The following APBA1 variants were observed in gnomAD, a reference collection of about 807,000 sequenced individuals.
APBA1 encodes the protein amyloid beta precursor protein binding family A member 1.
In APBA1, 55 loss-of-function variants were observed where a neutral mutation model predicts 86.6. That is an observed-to-expected ratio of 0.64 (90% confidence interval 0.51 to 0.80). The LOEUF (loss-of-function observed/expected upper bound fraction) is 0.80, where lower values mean the gene tolerates loss of function less well. Ranked by LOEUF, APBA1 falls within the 30% of genes least tolerant of loss-of-function variation. The pLI, the probability that APBA1 is intolerant of heterozygous loss-of-function variation, is 0.00. For missense variants in APBA1, 1,090 were observed against 1,183.0 expected (o/e 0.92, Z 1.15); for synonymous variants, 511 against 493.9 (o/e 1.03, Z -0.46).
At chr9:69,670,644 C>A (rs1195217325) in intron 1 of APBA1, among the ~76,000 whole-genome samples, 1 of 152,196 alleles carries the variant, frequency 6.6e-6, no homozygotes, top group African/African-American at 2.4e-5. Context: ...CTCTACCCAA[C>A]CCTACCTACA....
chr9:69,637,709 G>T (rs1165063437), intron 1 of APBA1, among the ~76,000 whole-genome samples: 1 of 152,138 alleles, frequency 6.6e-6, no homozygotes, highest in Non-Finnish European at 1.5e-5. Flanking sequence ...AACAGTTTCT[G>T]CCAGTTTAAT....
intron 2 of APBA1, among the ~76,000 whole-genome samples, chr9:69,504,426 T>TTTTATG (rs1247468142): frequency 8.5e-5 from 13 of 152,128 alleles, no homozygotes; most frequent in Admixed American, 3.3e-4. Context: ...GTCTTTGTCT[T>TTTTATG]TCATGTTAGA....
chr9:69,506,291 CAAAG>C (rs1835963375), intron 2 of APBA1, among the ~76,000 whole-genome samples: 1 of 150,520 alleles, frequency 6.6e-6, no homozygotes, highest in South Asian at 2.1e-4. Flanking sequence ...CTTTCTGAGT[CAAAG>C]AAAGGGGTGA....
intron 3 of APBA1, among the ~76,000 whole-genome samples, chr9:69,474,522 C>T (rs189929682): frequency 5.6e-4 from 86 of 152,342 alleles, no homozygotes; most frequent in Admixed American, 2.5e-3. Flanking sequence ...CTGTTATCAT[C>T]AGGGCACCTG....
rs10121657 is a variant in APBA1 at position 69,477,275 on chromosome 9, C to G, written c.1201-1132G>C. On this transcript the variant is annotated intron_variant, in intron 2 of 12. Transcript: ENST00000265381. ...GTCAGTGGGTGCGCGCACCGTGCGCCAGCCGAAGCAGGGCGAGGCATTTCC... is the reference window on the plus strand; with the variant it reads ...GTCAGTGGGTGCGCGCACCGTGCGCGAGCCGAAGCAGGGCGAGGCATTTCC... 8.2e-4 allele frequency among the ~76,000 whole-genome samples: 124 copies of G among 151,054 alleles called. 1 individual carries two copies. The highest frequency in any genetic ancestry group is 6.1e-3 in the South Asian group (29 of 4,752).
At position 69,495,672 on chromosome 9, in the gene APBA1, T is replaced by A. The variant is rs960287653; in HGVS notation, c.1201-19529A>T. 1.8e-4 allele frequency among the ~76,000 whole-genome samples: 27 copies of A among 152,066 alleles called. 1 individual carries two copies. Among genetic ancestry groups the A allele is most frequent in the African/African-American group, 6.5e-4 (27 of 41,406 alleles). ...CCCTTCTGGCAGCAGCACCTACTAT[T>A]TCTGGAGAAAATAAACTCGGCTCTG... On this transcript the variant is annotated intron_variant, in intron 2 of 12. Transcript: ENST00000265381.
At chr9:69,497,351 T>C (rs4744904) in intron 2 of APBA1, among the ~76,000 whole-genome samples, 14,531 of 151,986 alleles carry the variant, frequency 0.096, 831 homozygotes, top group East Asian at 0.24. Context: ...GCGGCTCCCC[T>C]ACACCACCAA....
intron 1 of APBA1, among the ~76,000 whole-genome samples, chr9:69,545,682 G>A (rs761672709): frequency 9.1e-4 from 138 of 152,270 alleles, no homozygotes; most frequent in Non-Finnish European, 1.4e-3. Flanking sequence ...ATTTGTAACC[G>A]TCAGGGTGAC....
At chr9:69,579,150 G>A (rs1352476880) in intron 1 of APBA1, among the ~76,000 whole-genome samples, 1 of 151,782 alleles carries the variant, frequency 6.6e-6, no homozygotes, top group African/African-American at 2.4e-5. Context: ...CAATATGAAG[G>A]GTCTCCCCAA....
intron 1 of APBA1, among the ~76,000 whole-genome samples, chr9:69,665,250 G>A (rs895570276): frequency 6.6e-6 from 1 of 152,152 alleles, no homozygotes; most frequent in Non-Finnish European, 1.5e-5. Flanking sequence ...GCTGCCCACC[G>A]TGGTAACCTG....
chr9:69,434,586 A>G (rs1347272965), intron 11 of APBA1, among the ~76,000 whole-genome samples: 1 of 151,972 alleles, frequency 6.6e-6, no homozygotes, highest in Non-Finnish European at 1.5e-5. Flanking sequence ...ACGTGCCTGT[A>G]GTCCCAGCTA....
chr9:69,646,531 C>T (rs1453346302), intron 1 of APBA1, among the ~76,000 whole-genome samples: 1 of 149,700 alleles, frequency 6.7e-6, no homozygotes, highest in East Asian at 2.0e-4. Flanking sequence ...TACTCCTCAA[C>T]ATCCACCCCT....
intron 2 of APBA1, among the ~76,000 whole-genome samples, chr9:69,515,352 A>C (rs1836119531): frequency 6.6e-6 from 1 of 152,094 alleles, no homozygotes; most frequent in Non-Finnish European, 1.5e-5. Context: ...ACTCCTGAGA[A>C]AACGCTGGTC....
intron 1 of APBA1, among the ~76,000 whole-genome samples, chr9:69,641,068 G>A (rs1370206694): frequency 2.0e-5 from 3 of 152,056 alleles, no homozygotes; most frequent in African/African-American, 4.8e-5. Flanking sequence ...AGAAAATACC[G>A]AGGAATATAC....
intron 11 of APBA1, among the ~76,000 whole-genome samples, chr9:69,435,110 C>CA (rs1222624517): frequency 2.9e-4 from 44 of 152,144 alleles, no homozygotes; most frequent in African/African-American, 1.1e-3. Context: ...CATGTCCCTA[C>CA]AAAGGACATG....
intron 1 of APBA1, among the ~76,000 whole-genome samples, chr9:69,555,885 T>C (rs1320549253): frequency 6.6e-6 from 1 of 152,240 alleles, no homozygotes; most frequent in Admixed American, 6.5e-5. Flanking sequence ...ATAAGAATTA[T>C]AATAAGCTAG....
At chr9:69,512,990 C>A (rs1836076803) in intron 2 of APBA1, among the ~76,000 whole-genome samples, 1 of 152,024 alleles carries the variant, frequency 6.6e-6, no homozygotes, top group Admixed American at 6.6e-5. Context: ...CTCAGTAGAC[C>A]ATTAAAGAGG....
intron 10 of APBA1, among the ~76,000 whole-genome samples, chr9:69,441,366 G>A (rs1834821026): frequency 6.6e-6 from 1 of 152,200 alleles, no homozygotes; most frequent in South Asian, 2.1e-4. Context: ...TGTGGGCAAT[G>A]CCTTCCTTTT....
At chr9:69,451,096 C>T (rs1055381355) in intron 9 of APBA1, among the ~76,000 whole-genome samples, 1 of 152,322 alleles carries the variant, frequency 6.6e-6, no homozygotes, top group African/African-American at 2.4e-5. Context: ...CCTGTCCAGC[C>T]TTGGCCAATA....
Sources: allele counts gnomAD v4.1 joint callset (sites outside exome capture counted in the v4.1 genomes callset), GRCh38; gene constraint gnomAD v4.1.1; transcripts MANE v1.5; gene names NCBI Gene and HGNC (gene_info 2026-07-23, HGNC 2026-07-21).